Variants in TG observed in about 807,000 individuals in gnomAD.
The protein encoded by TG is thyroglobulin.
Under a neutral mutation model 324.7 loss-of-function variants are expected in TG, and 270 were observed. That is an observed-to-expected ratio of 0.83 (90% CI 0.75 to 0.92). The LOEUF is 0.92. Ranked by LOEUF, TG falls within the 40% of genes least tolerant of loss-of-function variation. TG has a pLI of 0.00. For synonymous variants in TG, 1,401 were observed against 1,327.0 expected (o/e 1.06, Z -1.21); for missense variants, 3,591 against 3,456.4 (o/e 1.04, Z -0.98).
chr8:133,118,875 G>T (rs1850921822), intron 45 of TG, among the ~76,000 whole-genome samples: 1 of 152,174 alleles, frequency 6.6e-6, no homozygotes, highest in Admixed American at 6.5e-5. Context: ...GGCGTGGGGA[G>T]ATAATCCTGG....
chr8:133,074,870 G>A lies in TG; in HGVS notation c.7240-20174G>A, dbSNP rs1844629871. On this transcript the variant is annotated intron_variant, in intron 41 of 47. Transcript: ENST00000220616. ...CAAAATACCTTCACACACTGGGCAT[G>A]ACTCCTGTGGGAGCTGTCTGCAGAG... 21 of 985,454 alleles carry A rather than the reference G, an allele frequency of 2.1e-5. No individual in the cohort carries two copies. The South Asian group carries it at 9.4e-4, about 44-fold the overall frequency. 61.0% of individuals were successfully genotyped at this position (985,454 alleles called of 1,614,324 possible).
intron 30 of TG, among the ~76,000 whole-genome samples, chr8:132,967,141 C>A (rs536167106): frequency 6.6e-6 from 1 of 150,470 alleles, no homozygotes; most frequent in South Asian, 2.1e-4. Flanking sequence ...ATCCATCCAT[C>A]CATCCATCCA....
chr8:133,041,165 G>A (rs1310525487), intron 41 of TG, among the ~76,000 whole-genome samples: 1 of 152,238 alleles, frequency 6.6e-6, no homozygotes, highest in Non-Finnish European at 1.5e-5. Flanking sequence ...GGTCAAGGGG[G>A]TGAGGTGCCA....
intron 35 of TG, among the ~76,000 whole-genome samples, chr8:133,005,401 G>A (rs1833934509): frequency 6.6e-6 from 1 of 152,128 alleles, no homozygotes; most frequent in African/African-American, 2.4e-5. Context: ...GACACCCCTG[G>A]TACTTCCATC....
At position 132,882,870 on chromosome 8, in the gene TG, G is replaced by T; in HGVS notation, c.946G>T (p.Val316Phe). The stretch of plus-strand genomic sequence containing the variant: ...AGCAACCAGCTTTGGTCACCCCTAT[G>T]TTCCAAGCTGCCGCCGAAATGGCGA... ...FTATSFGHPY[V>F]PSCRRNGDYQ... Residue 316 changes from valine to phenylalanine, a missense_variant, in exon 8 of 48, where the codon GTT becomes TTT. By Grantham distance (50) the Val-to-Phe change is conservative. Transcript: ENST00000220616. 2.5e-6 allele frequency: 4 copies of T among 1,614,232 alleles called. No individual in the cohort carries two copies. Among genetic ancestry groups the T allele is most frequent in the Non-Finnish European group, 3.4e-6 (4 of 1,180,042 alleles).
At chr8:132,906,584 A>T in intron 16 of TG, 104 bp from the exon 17 acceptor site, 1 of 1,315,098 alleles carries the variant, frequency 7.6e-7, no homozygotes, top group Non-Finnish European at 1.1e-6. Context: ...AGGGGAGAGG[A>T]GGAGGGCCCA....
At chr8:132,939,854 G>C (rs1587492802) in intron 25 of TG, among the ~76,000 whole-genome samples, 2 of 151,814 alleles carry the variant, frequency 1.3e-5, no homozygotes, top group African/African-American at 4.8e-5. Flanking sequence ...TTTTTGTATT[G>C]TTAGTAGAGA....
At chr8:133,021,788 C>T (rs1436466686) in intron 39 of TG, among the ~76,000 whole-genome samples, 1 of 152,184 alleles carries the variant, frequency 6.6e-6, no homozygotes, top group African/African-American at 2.4e-5. Flanking sequence ...TAGACACTAT[C>T]TCCAAATACA....
intron 41 of TG, among the ~76,000 whole-genome samples, chr8:133,041,033 T>C (rs1432978955): frequency 6.6e-6 from 1 of 152,252 alleles, no homozygotes; most frequent in Admixed American, 6.5e-5. Flanking sequence ...CTAGCCCATG[T>C]TATCATGAGA....
At chr8:132,932,678 G>A (rs541324220) in intron 23 of TG, among the ~76,000 whole-genome samples, 102 of 152,264 alleles carry the variant, frequency 6.7e-4, no homozygotes, top group African/African-American at 2.4e-3. Flanking sequence ...AATGCTTCAT[G>A]CCTATCACAC....
rs6988394 is a variant in TG at position 132,968,345 on chromosome 8, A to G, written c.5863+375A>G. On this transcript the variant is annotated intron_variant, in intron 31 of 47. Coordinates refer to ENST00000220616, the MANE Select transcript of TG (RefSeq NM_003235.5). Reference sequence around the variant, plus strand: ...CATTTAGAACTGCATCAATTTGACAATAGAAAATAATCCTCTCCTAAGACA... The same window carrying G: ...CATTTAGAACTGCATCAATTTGACAGTAGAAAATAATCCTCTCCTAAGACA... 7.4e-3 allele frequency among the ~76,000 whole-genome samples: 1,130 copies of G among 152,322 alleles called. 10 individuals carry two copies. The highest frequency in any genetic ancestry group is 0.026 in the African/African-American group (1,085 of 41,566).
intron 41 of TG, chr8:133,059,141 C>T (rs1430853353): frequency 1.1e-5 from 5 of 456,320 alleles, no homozygotes; most frequent in South Asian, 7.7e-5. Flanking sequence ...CGCCAGTGAA[C>T]TCCGCCCAGG....
chr8:132,872,134 A>G (rs569959152), intron 4 of TG, among the ~76,000 whole-genome samples: 16 of 152,318 alleles, frequency 1.1e-4, no homozygotes, highest in African/African-American at 3.6e-4. Flanking sequence ...GTTTTAAGCT[A>G]AGTGTTATCA....
At chr8:132,907,925 A>G (rs747666169) in intron 17 of TG, among the ~76,000 whole-genome samples, 2 of 152,186 alleles carry the variant, frequency 1.3e-5, no homozygotes, top group Non-Finnish European at 2.9e-5. Context: ...TTTTCCAAGG[A>G]GAATGTCCAG....
intron 45 of TG, among the ~76,000 whole-genome samples, chr8:133,122,466 C>T (rs894459073): frequency 5.3e-5 from 8 of 152,194 alleles, no homozygotes; most frequent in African/African-American, 1.9e-4. Context: ...CAGTCTGGAG[C>T]CATGCCCTGT....
At chr8:132,943,453 C>T (rs895758953) in intron 26 of TG, among the ~76,000 whole-genome samples, 6 of 152,144 alleles carry the variant, frequency 3.9e-5, no homozygotes, top group Non-Finnish European at 5.9e-5. Flanking sequence ...AATCTCTTTA[C>T]TTTATAAATT....
At chr8:132,918,663 T>A (rs1820718085) in intron 20 of TG, among the ~76,000 whole-genome samples, 1 of 152,222 alleles carries the variant, frequency 6.6e-6, no homozygotes, top group Non-Finnish European at 1.5e-5. Flanking sequence ...GGTTTGGAGA[T>A]GAATGAATGG....
chr8:132,980,332 T>C (rs1414794233), intron 34 of TG, among the ~76,000 whole-genome samples: 5 of 151,980 alleles, frequency 3.3e-5, no homozygotes, highest in Non-Finnish European at 7.4e-5. Flanking sequence ...CATGACTTAC[T>C]CAATTACTCA....
chr8:133,024,247 C>T (rs1835811237), intron 40 of TG, among the ~76,000 whole-genome samples: 1 of 152,200 alleles, frequency 6.6e-6, no homozygotes, highest in African/African-American at 2.4e-5. Context: ...CCTTTCAATT[C>T]CCTGTTCTTC....
Sources: gnomAD v4.1 joint callset for allele counts (sites outside exome capture counted in the v4.1 genomes callset) on GRCh38, gnomAD v4.1.1 for gene constraint, MANE v1.5 for transcripts, NCBI Gene and HGNC (gene_info 2026-07-23, HGNC 2026-07-21) for gene names.